The following CD226 variants were observed in gnomAD, a reference collection of about 807,000 sequenced individuals.
CD226 encodes the protein CD226 antigen.
A neutral mutation model predicts 34.9 loss-of-function variants in CD226; 24 were observed. The observed-to-expected ratio is 0.69, with a 90% CI of 0.50 to 0.97. The LOEUF (loss-of-function observed/expected upper bound fraction) is 0.97, where lower values mean the gene tolerates loss of function less well. Ranked by LOEUF, CD226 falls within the 50% of genes least tolerant of loss-of-function variation. The pLI, the probability that CD226 is intolerant of heterozygous loss-of-function variation, is 0.00. For synonymous variants in CD226, 148 were observed against 147.4 expected, an observed-to-expected ratio of 1.00 and a Z score of -0.03; for missense variants, 397 against 412.7, an observed-to-expected ratio of 0.96 and a Z score of 0.33.
Position 69,946,936 on chromosome 18 carries a change from T to C in CD226, c.180A>G (p.Ile60Met). 6.2e-7 allele frequency: 1 copy of C among 1,614,206 alleles called. No individual in the cohort carries two copies. The highest frequency in any genetic ancestry group is 1.3e-5 in the African/African-American group (1 of 75,058). The change falls in exon 2 of 6, where the codon ATA (isoleucine) becomes ATG (methionine). Residue 60 changes from isoleucine (I) to methionine (M), a missense_variant. By Grantham distance (10) the Ile-to-Met change is conservative. Transcript: ENST00000582621. ...WFKIGTQQDS[I>M]AIFSPTHGMV... ...TGCCATGAGTAGGGCTGAAAATGGC[T>C]ATGGAATCCTGCTGGGTCCCGATCT...
At chr18:69,929,241 G>C (rs1219873837) in intron 2 of CD226, among the ~76,000 whole-genome samples, 2 of 152,084 alleles carry the variant, frequency 1.3e-5, no homozygotes, top group African/African-American at 4.8e-5. Flanking sequence ...AAAATGTGTT[G>C]GTCAAATGAA....
At chr18:69,883,691 A>G (rs1378371009) in intron 3 of CD226, among the ~76,000 whole-genome samples, 1 of 152,274 alleles carries the variant, frequency 6.6e-6, no homozygotes, top group African/African-American at 2.4e-5. Context: ...CTTATTGCCT[A>G]CAGAAATAAG....
rs984338050 is a variant in CD226, at chr18:69,875,469, G to A, written c.728-2223C>T. On this transcript the variant is annotated intron_variant, in intron 3 of 5. Coordinates refer to ENST00000582621, the MANE Select transcript of CD226 (RefSeq NM_001303618.2). ...TAATTTCTTGAGGAACCTACTACCT[G>A]TACCAATAACGAGTGTACCCATTTA... Among the ~76,000 whole-genome samples the A allele has an allele frequency of 1.6e-4, 25 of 152,154 alleles. 1 individual carries two copies. The highest frequency in any genetic ancestry group is 3.4e-4 in the Non-Finnish European group (23 of 68,028).
intron 3 of CD226, among the ~76,000 whole-genome samples, chr18:69,890,844 A>T (rs1243444119): frequency 6.6e-6 from 1 of 152,170 alleles, no homozygotes; most frequent in East Asian, 1.9e-4. Context: ...GGCTTCACAG[A>T]TGAATTCTAT....
chr18:69,951,146 T>A (rs574669428), upstream of CD226, among the ~76,000 whole-genome samples: 7 of 152,146 alleles, frequency 4.6e-5, 1 homozygote, highest in South Asian at 8.3e-4. Flanking sequence ...TAAAATTATT[T>A]TTTTTTTGGA....
At chr18:69,940,242 C>T (rs1386419040) in intron 2 of CD226, among the ~76,000 whole-genome samples, 2 of 152,208 alleles carry the variant, frequency 1.3e-5, no homozygotes, top group Non-Finnish European at 2.9e-5. Context: ...ATCAATTAAA[C>T]CTCTTTCCTT....
intron 2 of CD226, among the ~76,000 whole-genome samples, chr18:69,923,754 C>T (rs1220485322): frequency 4.6e-5 from 7 of 151,918 alleles, no homozygotes; most frequent in Non-Finnish European, 8.8e-5. Context: ...GAGATCGAGA[C>T]CATCCCGGCT....
rs1373453864 is a variant in CD226 at position 69,887,807 on chromosome 18, A to G, written c.727+7894T>C. Among the ~76,000 whole-genome samples the G allele has an allele frequency of 2.0e-5, 3 of 152,256 alleles. No individual in the cohort carries two copies. The South Asian group carries it at 6.2e-4, about 31-fold the overall frequency. Reference sequence around the variant, plus strand: ...TGAATTAATCCTGGAAATGAATTTTAGAGTGCTCAATGAAGATTGCAAAAT... The same window carrying G: ...TGAATTAATCCTGGAAATGAATTTTGGAGTGCTCAATGAAGATTGCAAAAT... On this transcript the variant is annotated intron_variant, in intron 3 of 5. Transcript: ENST00000582621.
At chr18:69,960,064 A>AC (rs1259204734), upstream of CD226, among the ~76,000 whole-genome samples, 1 of 151,886 alleles carries the variant, frequency 6.6e-6, no homozygotes, top group African/African-American at 2.4e-5. Flanking sequence ...ATATGGTGAA[A>AC]CCCCGTCTCT....
upstream of CD226, among the ~76,000 whole-genome samples, chr18:69,960,021 C>T (rs1036849535): frequency 1.3e-5 from 2 of 152,040 alleles, no homozygotes; most frequent in Non-Finnish European, 2.9e-5. Context: ...CCAAGGCAGG[C>T]GGATCACATG....
chr18:69,856,325 AAT>A lies in CD226; in HGVS notation c.*7987_*7988del, dbSNP rs1982608633. ...AAAAACTAACAAAACTGCAAGGAGA[AAT>A]AGAAAAATCCACTATTTTACTTGCA... On this transcript the variant is annotated 3_prime_UTR_variant, in exon 6 of 6. Transcript: ENST00000582621. The A allele has an allele frequency of 6.6e-6, 1 of 152,208 alleles. No individual in the cohort carries two copies. The highest frequency in any genetic ancestry group is 2.4e-5 in the African/African-American group (1 of 41,460). 9.4% of individuals were successfully genotyped at this position (152,208 alleles called of 1,614,324 possible).
At chr18:69,932,089 C>A (rs1037615849) in intron 2 of CD226, among the ~76,000 whole-genome samples, 1 of 152,110 alleles carries the variant, frequency 6.6e-6, no homozygotes, top group African/African-American at 2.4e-5. Flanking sequence ...AACTTAATTA[C>A]CTCTTTAAAA....
upstream of CD226, among the ~76,000 whole-genome samples, chr18:69,951,621 G>C (rs958203431): frequency 1.3e-5 from 2 of 152,070 alleles, no homozygotes; most frequent in Non-Finnish European, 2.9e-5. Context: ...AAGGGGTCCT[G>C]AATAGCCAAA....
chr18:69,881,544 A>G (rs1267913711), intron 3 of CD226, among the ~76,000 whole-genome samples: 1 of 152,210 alleles, frequency 6.6e-6, no homozygotes, highest in East Asian at 1.9e-4. Context: ...TAAATCAAGC[A>G]TGCAGAGGTG....
intron 2 of CD226, among the ~76,000 whole-genome samples, chr18:69,921,723 G>C (rs2055454399): frequency 6.6e-6 from 1 of 151,020 alleles, no homozygotes; most frequent in Non-Finnish European, 1.5e-5. Context: ...TCAAAGGGAA[G>C]AATGCAAATC....
At chr18:69,923,778 C>T (rs1046655536) in intron 2 of CD226, among the ~76,000 whole-genome samples, 11 of 151,952 alleles carry the variant, frequency 7.2e-5, no homozygotes, top group Non-Finnish European at 1.6e-4. Context: ...AACGGTGAAA[C>T]CCCGTCTCTA....
At chr18:69,896,421 T>C (rs552537267) in intron 2 of CD226, among the ~76,000 whole-genome samples, 2 of 152,314 alleles carry the variant, frequency 1.3e-5, no homozygotes, top group South Asian at 4.1e-4. Flanking sequence ...GACCTTGTGA[T>C]CCGCCCACCT....
chr18:69,908,067 G>T (rs2055278475), intron 2 of CD226, among the ~76,000 whole-genome samples: 1 of 152,098 alleles, frequency 6.6e-6, no homozygotes, highest in Admixed American at 6.5e-5. Flanking sequence ...ACTCTCTCAA[G>T]TCCCAGCTTG....
At position 69,856,844 on chromosome 18, in the gene CD226, T is replaced by C. The variant is rs1447921267; in HGVS notation, c.*7470A>G. On this transcript the variant is annotated 3_prime_UTR_variant, in exon 6 of 6. Coordinates refer to ENST00000582621, the MANE Select transcript of CD226 (RefSeq NM_001303618.2). Reference sequence around the variant, plus strand: ...GCCACTATTGGAAAAGAAAACAACATATAAAATCAATAATCTAGGCTTCCA... The same window carrying C: ...GCCACTATTGGAAAAGAAAACAACACATAAAATCAATAATCTAGGCTTCCA... The C allele has an allele frequency of 6.6e-6, 1 of 152,072 alleles. No individual in the cohort carries two copies. The highest frequency in any genetic ancestry group is 2.4e-5 in the African/African-American group (1 of 41,422). 9.4% of individuals were successfully genotyped at this position (152,072 alleles called of 1,614,324 possible).
Sources: gnomAD v4.1 joint callset for allele counts (sites outside exome capture counted in the v4.1 genomes callset) on GRCh38, gnomAD v4.1.1 for gene constraint, MANE v1.5 for transcripts, NCBI Gene and HGNC (gene_info 2026-07-23, HGNC 2026-07-21) for gene names.